PPP2R2C: variants seen among roughly 807,000 people sequenced by gnomAD.
PPP2R2C encodes the protein protein phosphatase 2 regulatory subunit Bgamma.
Under a neutral mutation model 45.3 loss-of-function variants are expected in PPP2R2C, and 10 were observed. That is an observed-to-expected ratio of 0.22 (90% confidence interval 0.14 to 0.37). The LOEUF (loss-of-function observed/expected upper bound fraction) is 0.37. Ranked by LOEUF, PPP2R2C falls within the 10% of genes least tolerant of loss-of-function variation. PPP2R2C has a pLI of 1.00. For missense variants in PPP2R2C, 308 were observed against 619.7 expected, an observed-to-expected ratio of 0.50 and a Z score of 5.34; for synonymous variants, 257 against 245.4, an observed-to-expected ratio of 1.05 and a Z score of -0.44.
chr4:6,524,111 A>G (rs542314234), intron 2 of PPP2R2C, among the ~76,000 whole-genome samples: 1 of 151,708 alleles, frequency 6.6e-6, no homozygotes, highest in South Asian at 2.1e-4. Context: ...TAGTAGAGAC[A>G]GGGTTTCACC....
intron 5 of PPP2R2C, chr4:6,350,425 G>A (rs1362980907): frequency 3.0e-6 from 3 of 985,310 alleles, no homozygotes; most frequent in Non-Finnish European, 3.6e-6. Flanking sequence ...GAGAGGCAGG[G>A]CAGAGAGGGG....
chr4:6,403,053 T>C (rs537763618), intron 1 of PPP2R2C, among the ~76,000 whole-genome samples: 1 of 152,316 alleles, frequency 6.6e-6, no homozygotes, highest in East Asian at 1.9e-4. Flanking sequence ...GGGCAGTAAT[T>C]TCCACTGAGG....
intron 6 of PPP2R2C, 76 bp downstream of exon 6, chr4:6,347,770 G>C: frequency 6.9e-7 from 1 of 1,459,796 alleles, no homozygotes; most frequent in Non-Finnish European, 9.1e-7. Context: ...CCCTGCAGCA[G>C]CTGCACCAGG....
chr4:6,447,114 C>T (rs1720463679), intron 1 of PPP2R2C, among the ~76,000 whole-genome samples: 1 of 152,076 alleles, frequency 6.6e-6, no homozygotes, highest in Non-Finnish European at 1.5e-5. Context: ...AAGGACCAGG[C>T]CTTGGGGGTC....
At chr4:6,391,931 C>T (rs779310891) in intron 1 of PPP2R2C, among the ~76,000 whole-genome samples, 1 of 152,224 alleles carries the variant, frequency 6.6e-6, no homozygotes, top group African/African-American at 2.4e-5. Flanking sequence ...TGTCCATCTC[C>T]GAGACAGATA....
intron 6 of PPP2R2C, among the ~76,000 whole-genome samples, chr4:6,334,912 C>T (rs775049409): frequency 1.3e-5 from 2 of 152,182 alleles, no homozygotes; most frequent in Non-Finnish European, 2.9e-5. Flanking sequence ...TGTCCTGCCT[C>T]CCAGGTCTGT....
At chr4:6,536,147 A>T (rs1724605047) in intron 1 of PPP2R2C, among the ~76,000 whole-genome samples, 1 of 152,194 alleles carries the variant, frequency 6.6e-6, no homozygotes, top group South Asian at 2.1e-4. Context: ...ACACTGAAGG[A>T]GAGCCTCTCA....
Position 6,348,000 on chromosome 4 carries a change from G to A in PPP2R2C, c.636C>T (p.Asp212=). 1 of 1,613,922 alleles carries A rather than the reference G, an allele frequency of 6.2e-7. No homozygotes were observed. The highest frequency in any genetic ancestry group is 1.1e-5 in the South Asian group (1 of 91,066). Residue 212 remains aspartate (D), a synonymous_variant, in exon 6 of 9, where the codon GAC becomes GAT. Coordinates refer to ENST00000382599, the MANE Select transcript of PPP2R2C (RefSeq NM_020416.4). ...AITDRSFNIV[D]IKPANMEDLT... Reference sequence around the variant, plus strand: ...GGTCCTCCATGTTGGCCGGCTTGATGTCCACGATGTCTGGGGGCAGTGCGG... The same window carrying A: ...GGTCCTCCATGTTGGCCGGCTTGATATCCACGATGTCTGGGGGCAGTGCGG...
intron 2 of PPP2R2C, among the ~76,000 whole-genome samples, chr4:6,478,438 T>C (rs1722238633): frequency 6.6e-6 from 1 of 152,180 alleles, no homozygotes. Flanking sequence ...ACAAATTCTT[T>C]TTTTCACTGA....
In PPP2R2C at chr4:6,377,302, C is replaced by A. The variant is rs879841859; in HGVS notation, c.334+1105G>T. 1.2e-4 allele frequency among the ~76,000 whole-genome samples: 19 copies of A among 152,058 alleles called. 1 individual carries two copies. The highest frequency in any genetic ancestry group is 2.2e-4 in the Non-Finnish European group (15 of 68,016). On this transcript the variant is annotated intron_variant, in intron 3 of 8. Transcript: ENST00000382599. Reference sequence around the variant, plus strand: ...GACCCCAGAAGGGAGATGTGTCCACCCTGCTGGGGCTCAGGAAAGCAAGGT... The same window carrying A: ...GACCCCAGAAGGGAGATGTGTCCACACTGCTGGGGCTCAGGAAAGCAAGGT...
intron 5 of PPP2R2C, among the ~76,000 whole-genome samples, chr4:6,356,039 C>T (rs11932964): frequency 0.1 from 14,566 of 145,316 alleles, 2,400 homozygotes; most frequent in African/African-American, 0.34. Context: ...CTGGGAAGCA[C>T]GTCACACGTG....
chr4:6,356,534 T>C (rs1401413506), intron 5 of PPP2R2C, among the ~76,000 whole-genome samples: 2 of 152,212 alleles, frequency 1.3e-5, no homozygotes, highest in African/African-American at 4.8e-5. Context: ...TTGCTAGCTA[T>C]GTGTCTTTGG....
intron 2 of PPP2R2C, among the ~76,000 whole-genome samples, chr4:6,518,795 C>T (rs112864134): frequency 0.1 from 15,654 of 151,716 alleles, 880 homozygotes; most frequent in Non-Finnish European, 0.12. Flanking sequence ...TAGTGGCACA[C>T]GCCTGTAGTC....
chr4:6,468,245 C>T (rs1182200062), intron 1 of PPP2R2C, among the ~76,000 whole-genome samples: 2 of 152,198 alleles, frequency 1.3e-5, no homozygotes, highest in Non-Finnish European at 2.9e-5. Context: ...AGTTCAAAAC[C>T]TGCAGACAAT....
chr4:6,453,231 C>T lies in PPP2R2C; in HGVS notation c.70+18929G>A, dbSNP rs187905968. On this transcript the variant is annotated intron_variant, in intron 1 of 8. Transcript: ENST00000382599. ...AGATACGGAGTTGAGGGAGGGCCCA[C>T]CGCAGGTCACAAACACCAGCAGTGA... Among the ~76,000 whole-genome samples, 60 of 152,278 alleles carry T rather than the reference C, an allele frequency of 3.9e-4. 1 individual carries two copies. Among genetic ancestry groups the T allele is most frequent in the African/African-American group, 1.3e-3 (52 of 41,564 alleles).
At chr4:6,520,257 A>G (rs1487561715) in intron 2 of PPP2R2C, among the ~76,000 whole-genome samples, 1 of 152,054 alleles carries the variant, frequency 6.6e-6, no homozygotes, top group Non-Finnish European at 1.5e-5. Context: ...CGGAGTGGAC[A>G]CTCAGCAAGC....
rs1219610532 is a variant in PPP2R2C, at chr4:6,323,198, A to G, written c.*104T>C. 1.4e-6 allele frequency: 2 copies of G among 1,384,982 alleles called. No homozygotes were observed. Among genetic ancestry groups the G allele is most frequent in the East Asian group, 5.0e-5 (2 of 40,402 alleles). 85.8% of individuals were successfully genotyped at this position (1,384,982 alleles called of 1,614,324 possible). ...CACTGCCACCTCTGCAGCTGTCCTC[A>G]TCAGTGCTGTGACTTTCTTCCCCTC... On this transcript the variant is annotated 3_prime_UTR_variant, in exon 9 of 9. Transcript: ENST00000382599.
chr4:6,385,050 G>A (rs1244885679), intron 1 of PPP2R2C, among the ~76,000 whole-genome samples: 1 of 152,156 alleles, frequency 6.6e-6, no homozygotes, highest in African/African-American at 2.4e-5. Context: ...AGGACTCCAG[G>A]AATAATGAAT....
At chr4:6,449,830 G>A (rs1720642016) in intron 1 of PPP2R2C, among the ~76,000 whole-genome samples, 1 of 150,834 alleles carries the variant, frequency 6.6e-6, no homozygotes, top group South Asian at 2.1e-4. Context: ...ATGATTTCCA[G>A]AGAGACAGCC....
Sources: gnomAD v4.1 joint callset for allele counts (sites outside exome capture counted in the v4.1 genomes callset) on GRCh38, gnomAD v4.1.1 for gene constraint, MANE v1.5 for transcripts, NCBI Gene and HGNC (gene_info 2026-07-23, HGNC 2026-07-21) for gene names.